SEMA4F: variants seen among roughly 807,000 people sequenced by gnomAD.
SEMA4F encodes ssemaphorin 4F.
Under a neutral mutation model 78.4 loss-of-function variants are expected in SEMA4F, and 51 were observed. That is an observed-to-expected ratio of 0.65 (90% CI 0.52 to 0.82). The LOEUF is 0.82. Ranked by LOEUF, SEMA4F falls within the 40% of genes least tolerant of loss-of-function variation. The pLI is 0.00. For synonymous variants in SEMA4F, 418 were observed against 408.7 expected, an observed-to-expected ratio of 1.02 and a Z score of -0.27; for missense variants, 938 against 1,014.4, an observed-to-expected ratio of 0.92 and a Z score of 1.02.
chr2:74,691,732 T>G, the SEMA4F span, among the ~76,000 whole-genome samples: 82 of 152,334 alleles, frequency 5.4e-4, no homozygotes, highest in South Asian at 0.016. Flanking sequence ...TAACTCTATT[T>G]GAAGGCATTT....
At chr2:74,657,415 G>A in intron 2 of SEMA4F, 150 bp from the exon 3 acceptor site, 1 of 630,174 alleles carries the variant, frequency 1.6e-6, no homozygotes, top group East Asian at 2.7e-5. Flanking sequence ...TCATTAATGG[G>A]TGGGGACCTC....
At chr2:74,656,975 ATACTC>A (rs1684182334) in intron 2 of SEMA4F, among the ~76,000 whole-genome samples, 1 of 152,174 alleles carries the variant, frequency 6.6e-6, no homozygotes, top group Non-Finnish European at 1.5e-5. Flanking sequence ...TAAAATTACA[ATACTC>A]TAGGGAAACA....
At chr2:74,667,690 G>A (rs1684767036) in intron 5 of SEMA4F, among the ~76,000 whole-genome samples, 1 of 152,138 alleles carries the variant, frequency 6.6e-6, no homozygotes, top group Non-Finnish European at 1.5e-5. Context: ...GGAAAAATAT[G>A]AATATTTTGA....
chr2:74,657,981 G>T lies in SEMA4F; in HGVS notation c.456+30G>T, dbSNP rs1684242754. 6 of 1,593,494 alleles carry T rather than the reference G, an allele frequency of 3.8e-6. No individual in the cohort carries two copies. The South Asian group carries it at 5.5e-5, about 15-fold the overall frequency. ...GTGACGGTGTGGGAGGAGAGGGAGA[G>T]GGTGCCTGCACCAGTGTGAGTTACT... On this transcript the variant is annotated intron_variant, in intron 4 of 13. Transcript: ENST00000357877.
In SEMA4F at chr2:74,658,055, TG is replaced by T. The variant is rs1684247660; in HGVS notation, c.456+109del. The T allele has an allele frequency of 1.0e-6, 1 of 996,928 alleles. No homozygotes were observed. Among genetic ancestry groups the T allele is most frequent in the East Asian group, 2.4e-5 (1 of 41,542 alleles). 61.8% of individuals were successfully genotyped at this position (996,928 alleles called of 1,614,324 possible). ...AAGGGTTTTCTGTGAGCGACCATGA[TG>T]GGGGCATGGTCAAGGCAACCATTGT... is the stretch of plus-strand genomic sequence containing the variant. On this transcript the variant is annotated intron_variant, in intron 4 of 13. Coordinates refer to ENST00000357877, the MANE Select transcript of SEMA4F (RefSeq NM_004263.5). This position sits in a 1 kb window ranked among gnomAD's most constrained non-coding sequence, Gnocchi z 4.3.
At position 74,680,473 on chromosome 2, in the gene SEMA4F, A is replaced by C; in HGVS notation, c.*264A>C. 1 of 383,614 alleles carries C rather than the reference A, an allele frequency of 2.6e-6. No individual in the cohort carries two copies. Among genetic ancestry groups the C allele is most frequent in the Non-Finnish European group, 4.6e-6 (1 of 215,160 alleles). The allele number at this position is 383,614 out of a possible 1,614,324, so 23.8% of individuals were successfully genotyped here. ...CCCCCTAACATCTGAACTCCTGTAA[A>C]CCTTCATCCCTGGCCCCCTATCTTG... On this transcript the variant is annotated 3_prime_UTR_variant, in exon 14 of 14. Transcript: ENST00000357877.
chr2:74,656,466 G>A lies in SEMA4F; in HGVS notation c.146-68G>A, dbSNP rs562835048. ...GAAGAAAACAAAAATTGGCCCCTTT[G>A]GTTTTGCTCTTGTGGACTTGACCCT... On this transcript the variant is annotated intron_variant, in intron 1 of 13. Transcript: ENST00000357877. 4.5e-5 allele frequency: 69 copies of A among 1,534,236 alleles called. 1 individual carries two copies. The highest frequency in any genetic ancestry group is 2.6e-4 in the Admixed American group (14 of 52,964).
intron 4 of SEMA4F, among the ~76,000 whole-genome samples, chr2:74,659,263 C>G (rs1684313593): frequency 6.6e-6 from 1 of 152,146 alleles, no homozygotes; most frequent in East Asian, 1.9e-4. Context: ...TCCATTCTGC[C>G]AGGCTTGGGG....
At chr2:74,704,447 G>A in the SEMA4F span, among the ~76,000 whole-genome samples, 15 of 151,302 alleles carry the variant, frequency 9.9e-5, no homozygotes, top group Non-Finnish European at 2.2e-4. Context: ...ACGTGGCCTT[G>A]AGCAAGTTGA....
chr2:74,680,131 G>A lies in SEMA4F; in HGVS notation c.2235G>A (p.Leu745=). ...SGFGGFSPPF[L]LDPCPSPAHI... ...TTGGTGGATTCTCACCACCCTTCCT[G>A]CTTGATCCTTGCCCAAGCCCAGCCC... The change falls in exon 14 of 14, where the codon CTG becomes CTA. Residue 745 remains leucine, a synonymous_variant. Transcript: ENST00000357877. The A allele has an allele frequency of 6.2e-7, 1 of 1,611,046 alleles. No homozygotes were observed. Among genetic ancestry groups the A allele is most frequent in the Non-Finnish European group, 8.5e-7 (1 of 1,177,496 alleles).
chr2:74,685,700 TG>T (rs1249614683), downstream of SEMA4F, among the ~76,000 whole-genome samples: 3 of 152,144 alleles, frequency 2.0e-5, no homozygotes, highest in Non-Finnish European at 2.9e-5. Context: ...TTAAGTTGGC[TG>T]GGCAAATAAA....
In SEMA4F at chr2:74,681,121, C is replaced by T. The variant is rs1248938092; in HGVS notation, c.*912C>T. ...TAGGCTGTACCCCATTTCCTTGGCT[C>T]CCATTAAAAATCAACAACATTCTAA... On this transcript the variant is annotated 3_prime_UTR_variant, in exon 14 of 14. Transcript: ENST00000357877. 1 of 152,548 alleles carries T rather than the reference C, an allele frequency of 6.6e-6. No individual in the cohort carries two copies. Among genetic ancestry groups the T allele is most frequent in the Non-Finnish European group, 1.5e-5 (1 of 68,042 alleles). 9.4% of individuals were successfully genotyped at this position (152,548 alleles called of 1,614,324 possible).
At chr2:74,657,673 C>A (rs1358620103) in intron 3 of SEMA4F, 49 bp downstream of exon 3, 1 of 1,573,816 alleles carries the variant, frequency 6.4e-7, no homozygotes, top group Non-Finnish European at 8.7e-7. Context: ...AGACCTTGGC[C>A]CAGCCCTGAC....
At chr2:74,700,809 G>C in the SEMA4F span, among the ~76,000 whole-genome samples, 3 of 152,162 alleles carry the variant, frequency 2.0e-5, no homozygotes, top group African/African-American at 7.2e-5. Flanking sequence ...CAGAACAAAG[G>C]ACAGAAGGAA....
At chr2:74,665,603 G>A (rs1684651388) in intron 5 of SEMA4F, among the ~76,000 whole-genome samples, 1 of 152,078 alleles carries the variant, frequency 6.6e-6, no homozygotes, top group Admixed American at 6.5e-5. Context: ...TTGAAAATGA[G>A]CATAAAGTAT....
At chr2:74,677,023 T>C (rs1034751862) in intron 12 of SEMA4F, among the ~76,000 whole-genome samples, 1 of 152,110 alleles carries the variant, frequency 6.6e-6, no homozygotes, top group African/African-American at 2.4e-5. Flanking sequence ...TGCCTCAGCC[T>C]CCCGAATAGC....
chr2:74,692,837 C>G, the SEMA4F span, among the ~76,000 whole-genome samples: 1 of 152,208 alleles, frequency 6.6e-6, no homozygotes, highest in Non-Finnish European at 1.5e-5. Context: ...ACACTAGCCA[C>G]TTTAAGAGAA....
chr2:74,674,635 G>A lies in SEMA4F; in HGVS notation c.960G>A (p.Gly320=), dbSNP rs1685164579. The A allele has an allele frequency of 1.2e-6, 2 of 1,614,076 alleles. No homozygotes were observed. The highest frequency in any genetic ancestry group is 1.7e-6 in the Non-Finnish European group (2 of 1,180,018). The part of the protein sequence containing the change: ...QDVAVLRPEL[G]AGTPIFYGIF... ...TTGCTGTGCTTCGACCTGAGCTTGG[G>A]GCAGGGACTCCCATCTTTTATGGCA... Residue 320 remains glycine (G), a synonymous_variant, in exon 8 of 14, where the codon GGG becomes GGA. Transcript: ENST00000357877.
At chr2:74,668,925 T>G (rs1573245069) in intron 5 of SEMA4F, among the ~76,000 whole-genome samples, 10 of 94,114 alleles carry the variant, frequency 1.1e-4, no homozygotes, top group Admixed American at 1.4e-4. Flanking sequence ...CCACCAAGCG[T>G]GGCCAAAAAA....
Sources: gnomAD v4.1 joint callset for allele counts (sites outside exome capture counted in the v4.1 genomes callset) on GRCh38, gnomAD v4.1.1 for gene constraint, Gnocchi (gnomAD v3.1) non-coding constraint, MANE v1.5 for transcripts, NCBI Gene and HGNC (gene_info 2026-07-23, HGNC 2026-07-21) for gene names.